The following HS3ST2 variants were observed in gnomAD, a reference collection of about 807,000 sequenced individuals.
HS3ST2 encodes the protein heparan sulfate glucosamine 3-O-sulfotransferase 2.
HS3ST2 carries 17 observed loss-of-function variants against 26.3 expected under a neutral mutation model. The observed-to-expected ratio is 0.65, with a 90% CI of 0.44 to 0.97. The LOEUF (loss-of-function observed/expected upper bound fraction) is 0.97. HS3ST2 is among the 50% of genes least tolerant of loss of function. The pLI, the probability that HS3ST2 is intolerant of heterozygous loss-of-function variation, is 0.00. For missense variants in HS3ST2, 402 were observed against 501.2 expected (o/e 0.80, Z 1.89); for synonymous variants, 237 against 219.2 (o/e 1.08, Z -0.72).
chr16:22,841,285 A>T (rs13330028), intron 1 of HS3ST2, among the ~76,000 whole-genome samples: 1 of 151,464 alleles, frequency 6.6e-6, no homozygotes, highest in African/African-American at 2.4e-5. Context: ...CTGGTCTCGA[A>T]CTCCTGACCT....
chr16:22,847,079 C>T (rs1232084589), intron 1 of HS3ST2, among the ~76,000 whole-genome samples: 2 of 152,122 alleles, frequency 1.3e-5, no homozygotes, highest in Non-Finnish European at 2.9e-5. Flanking sequence ...TTTCATCACC[C>T]AGGTACTAAG....
intron 1 of HS3ST2, among the ~76,000 whole-genome samples, chr16:22,891,627 T>C (rs1195578946): frequency 6.6e-6 from 1 of 152,252 alleles, no homozygotes; most frequent in South Asian, 2.1e-4. Flanking sequence ...AAGGACTTAA[T>C]TTTTTATTTC....
At chr16:22,893,664 A>G (rs1446510863) in intron 1 of HS3ST2, among the ~76,000 whole-genome samples, 2 of 69,236 alleles carry the variant, frequency 2.9e-5, no homozygotes, top group Non-Finnish European at 6.3e-5. Flanking sequence ...TTTTTGTTTT[A>G]CTTTAAGTTC....
In HS3ST2 at chr16:22,814,907, C is replaced by G. The variant is rs762718485; in HGVS notation, c.297C>G (p.Ser99=). Residue 99 remains serine (S), a synonymous_variant, in exon 1 of 2, where the codon TCC becomes TCG. Transcript: ENST00000261374. ...PAAAVPAPRL[S]GSNHSGSPKL... The stretch of plus-strand genomic sequence containing the variant: ...CCGCCGTGCCCGCCCCTCGCCTCTC[C>G]GGTTCCAACCACTCCGGCTCACCCA... 3 of 1,587,902 alleles carry G rather than the reference C, an allele frequency of 1.9e-6. No individual in the cohort carries two copies. The highest frequency in any genetic ancestry group is 1.7e-6 in the Non-Finnish European group (2 of 1,167,970).
At chr16:22,835,571 T>C (rs1901243206) in intron 1 of HS3ST2, among the ~76,000 whole-genome samples, 1 of 152,194 alleles carries the variant, frequency 6.6e-6, no homozygotes. Flanking sequence ...CTTCTGATTC[T>C]TGCTTCACGG....
intron 1 of HS3ST2, among the ~76,000 whole-genome samples, chr16:22,830,316 C>T (rs1901150471): frequency 6.6e-6 from 1 of 152,194 alleles, no homozygotes; most frequent in Non-Finnish European, 1.5e-5. Context: ...CTTGCTTGCA[C>T]AGAATGTGAG....
intron 1 of HS3ST2, 45 bp from the exon 2 acceptor site, chr16:22,914,899 C>A (rs773374538): frequency 1.9e-6 from 3 of 1,559,472 alleles, no homozygotes; most frequent in South Asian, 2.4e-5. Context: ...TGAGGCCTGG[C>A]CCCAGGGAAA....
intron 1 of HS3ST2, among the ~76,000 whole-genome samples, chr16:22,872,064 C>T (rs550910470): frequency 6.6e-6 from 1 of 152,236 alleles, no homozygotes; most frequent in East Asian, 1.9e-4. Flanking sequence ...ACTTTAGATA[C>T]CCAACGAGCC....
At chr16:22,837,056 A>G (rs1051718701) in intron 1 of HS3ST2, among the ~76,000 whole-genome samples, 1 of 149,970 alleles carries the variant, frequency 6.7e-6, no homozygotes, top group Non-Finnish European at 1.5e-5. Context: ...AGCTAGGTTC[A>G]TTTTTTTCCC....
chr16:22,869,228 T>G (rs935078762), intron 1 of HS3ST2, among the ~76,000 whole-genome samples: 10 of 152,126 alleles, frequency 6.6e-5, no homozygotes, highest in African/African-American at 1.9e-4. Flanking sequence ...GGACAAATCT[T>G]TGAGCAAAAG....
At chr16:22,855,399 C>T (rs1466523045) in intron 1 of HS3ST2, among the ~76,000 whole-genome samples, 1 of 152,184 alleles carries the variant, frequency 6.6e-6, no homozygotes, top group Admixed American at 6.5e-5. Flanking sequence ...CCACATTTGA[C>T]AAGGTCACCA....
intron 1 of HS3ST2, among the ~76,000 whole-genome samples, chr16:22,871,442 A>G (rs1901837364): frequency 6.6e-6 from 1 of 152,120 alleles, no homozygotes; most frequent in Non-Finnish European, 1.5e-5. Context: ...AGCATATTTA[A>G]GGTCAGCTTG....
At chr16:22,880,553 G>A (rs1356325036) in intron 1 of HS3ST2, among the ~76,000 whole-genome samples, 1 of 152,084 alleles carries the variant, frequency 6.6e-6, no homozygotes, top group Admixed American at 6.5e-5. Flanking sequence ...TTACCTATTC[G>A]ATCCCCTATT....
chr16:22,823,685 G>T (rs1393467191), intron 1 of HS3ST2, among the ~76,000 whole-genome samples: 1 of 151,996 alleles, frequency 6.6e-6, no homozygotes, highest in African/African-American at 2.4e-5. Context: ...TACTTGGGAG[G>T]CTGACATGGG....
Position 22,884,660 on chromosome 16 carries a change from AT to A in HS3ST2, c.486-30283del, listed in dbSNP as rs200756034. ...TCCCATCAGCAAAATAGAGAAAAAA[AT>A]ATATATATATATATATTATATATAT... On this transcript the variant is annotated intron_variant, in intron 1 of 1. Coordinates refer to ENST00000261374, the MANE Select transcript of HS3ST2 (RefSeq NM_006043.2). Among the ~76,000 whole-genome samples the A allele has an allele frequency of 9.3e-3, 1,269 of 136,068 alleles. 19 individuals are homozygous for A. The highest frequency in any genetic ancestry group is 0.064 in the East Asian group (318 of 4,932). 89.3% of individuals were successfully genotyped at this position (136,068 alleles called of 152,430 possible). A position where few individuals can be genotyped will look rare whatever the true frequency, so the allele number is the denominator to read the frequency against.
intron 1 of HS3ST2, among the ~76,000 whole-genome samples, chr16:22,873,107 A>G (rs1332535509): frequency 6.6e-6 from 1 of 152,206 alleles, no homozygotes; most frequent in Admixed American, 6.5e-5. Flanking sequence ...AGCATCTAGA[A>G]AAGTATCTGG....
chr16:22,875,812 ATAGGTATACCATTT>A (rs549026558), intron 1 of HS3ST2, among the ~76,000 whole-genome samples: 2 of 152,292 alleles, frequency 1.3e-5, no homozygotes, highest in Admixed American at 1.3e-4. Context: ...AAGTGCCCTT[ATAGGTATACCATTT>A]TTAACCTTTT....
intron 1 of HS3ST2, among the ~76,000 whole-genome samples, chr16:22,885,443 T>TTTTTC (rs1437776024): frequency 7.9e-5 from 12 of 151,698 alleles, no homozygotes; most frequent in South Asian, 2.1e-4. Flanking sequence ...TTAGTCCTCA[T>TTTTTC]TTTTCTTTTC....
At chr16:22,829,970 T>A (rs1901145098) in intron 1 of HS3ST2, among the ~76,000 whole-genome samples, 1 of 152,190 alleles carries the variant, frequency 6.6e-6, no homozygotes, top group African/African-American at 2.4e-5. Context: ...GGGGTCTTAA[T>A]AATTGGGCCA....
Sources: gnomAD v4.1 joint callset for allele counts (sites outside exome capture counted in the v4.1 genomes callset) on GRCh38, gnomAD v4.1.1 for gene constraint, MANE v1.5 for transcripts, NCBI Gene and HGNC (gene_info 2026-07-23, HGNC 2026-07-21) for gene names.